The following CSNK1G1 variants were observed in gnomAD, a reference collection of about 807,000 sequenced individuals.
CSNK1G1 encodes the protein casein kinase I isoform gamma-1.
CSNK1G1 carries 22 observed loss-of-function variants against 59.6 expected under a neutral mutation model. The observed-to-expected ratio is 0.37, with a 90% confidence interval of 0.26 to 0.53. The LOEUF is 0.53. CSNK1G1 is among the 20% of genes least tolerant of loss of function. The pLI is 0.89. For synonymous variants in CSNK1G1, 179 were observed against 177.1 expected (o/e 1.01, Z -0.08); for missense variants, 384 against 519.5 (o/e 0.74, Z 2.54).
At chr15:64,280,620 A>G (rs1314084674) in intron 2 of CSNK1G1, among the ~76,000 whole-genome samples, 2 of 152,002 alleles carry the variant, frequency 1.3e-5, no homozygotes, top group Non-Finnish European at 2.9e-5. Flanking sequence ...TCGGCCTCCC[A>G]AAGTGTTAAG....
intron 4 of CSNK1G1, among the ~76,000 whole-genome samples, chr15:64,248,838 T>C (rs1046882973): frequency 1.4e-5 from 2 of 144,978 alleles, no homozygotes; most frequent in Non-Finnish European, 3.0e-5. Context: ...TACAAAAAAT[T>C]GGCCAGGCGT....
chr15:64,288,605 T>C (rs888203692), intron 2 of CSNK1G1, among the ~76,000 whole-genome samples: 5 of 151,858 alleles, frequency 3.3e-5, no homozygotes, highest in Non-Finnish European at 7.4e-5. Context: ...TGTATATATA[T>C]ATATTTCCTC....
chr15:64,238,485 C>CCTGT (rs1403177455), intron 4 of CSNK1G1, among the ~76,000 whole-genome samples: 1 of 108,954 alleles, frequency 9.2e-6, no homozygotes, highest in Non-Finnish European at 1.7e-5. Context: ...AGAGCAAGAC[C>CCTGT]CTGTCCCTTA....
chr15:64,191,775 C>G (rs902936113), intron 10 of CSNK1G1, among the ~76,000 whole-genome samples: 10 of 152,140 alleles, frequency 6.6e-5, no homozygotes, highest in African/African-American at 9.7e-5. Flanking sequence ...TACTACTGCC[C>G]GCCAATGCCT....
intron 1 of CSNK1G1, among the ~76,000 whole-genome samples, chr15:64,327,312 C>A (rs940140060): frequency 6.7e-6 from 1 of 148,544 alleles, no homozygotes; most frequent in Non-Finnish European, 1.5e-5. Flanking sequence ...TCTCCCAGCA[C>A]GCAGCTGGAG....
intron 1 of CSNK1G1, among the ~76,000 whole-genome samples, chr15:64,340,859 A>G (rs937408629): frequency 2.6e-5 from 4 of 152,152 alleles, no homozygotes; most frequent in Non-Finnish European, 4.4e-5. Flanking sequence ...TAGGAGGCTG[A>G]GGTGGGAGGA....
intron 1 of CSNK1G1, among the ~76,000 whole-genome samples, chr15:64,301,377 A>T (rs981887090): frequency 6.6e-6 from 1 of 152,112 alleles, no homozygotes; most frequent in African/African-American, 2.4e-5. Flanking sequence ...GCAAAAAAAA[A>T]AAAAAAATCT....
chr15:64,242,404 G>A (rs1045151587), intron 4 of CSNK1G1, among the ~76,000 whole-genome samples: 2 of 151,828 alleles, frequency 1.3e-5, no homozygotes, highest in African/African-American at 4.8e-5. Flanking sequence ...ACTTTCCCCC[G>A]ACTCCCAGTC....
At chr15:64,203,921 T>C (rs998449485) in intron 9 of CSNK1G1, among the ~76,000 whole-genome samples, 1 of 151,896 alleles carries the variant, frequency 6.6e-6, no homozygotes, top group African/African-American at 2.4e-5. Flanking sequence ...GGAGGGCAGA[T>C]CACCTCAGGT....
chr15:64,240,500 T>C (rs1566915218), intron 4 of CSNK1G1, among the ~76,000 whole-genome samples: 1 of 151,824 alleles, frequency 6.6e-6, no homozygotes, highest in Non-Finnish European at 1.5e-5. Flanking sequence ...CAGTCCTAAA[T>C]TGTGAAAAGT....
intron 1 of CSNK1G1, among the ~76,000 whole-genome samples, chr15:64,345,489 G>A (rs1897905790): frequency 6.6e-6 from 1 of 152,170 alleles, no homozygotes; most frequent in African/African-American, 2.4e-5. Context: ...AGTGACAGTT[G>A]AAAAATTCTG....
chr15:64,342,234 G>A (rs1296523229), intron 1 of CSNK1G1, among the ~76,000 whole-genome samples: 3 of 152,156 alleles, frequency 2.0e-5, no homozygotes, highest in African/African-American at 4.8e-5. Flanking sequence ...CCACATACCA[G>A]CAGTGTGAAC....
chr15:64,234,700 G>A (rs897099461), intron 4 of CSNK1G1, among the ~76,000 whole-genome samples: 1 of 152,138 alleles, frequency 6.6e-6, no homozygotes, highest in South Asian at 2.1e-4. Flanking sequence ...GAAAAGCATG[G>A]TCTGTAAGCT....
intron 2 of CSNK1G1, among the ~76,000 whole-genome samples, chr15:64,291,068 G>C (rs1319137645): frequency 6.6e-6 from 1 of 152,036 alleles, no homozygotes; most frequent in Admixed American, 6.6e-5. Context: ...TCTAAAACTT[G>C]TTTTAGTTTG....
At chr15:64,354,016 TACA>T (rs912901378) in intron 1 of CSNK1G1, among the ~76,000 whole-genome samples, 3 of 151,256 alleles carry the variant, frequency 2.0e-5, no homozygotes, top group African/African-American at 7.3e-5. Flanking sequence ...ATCTTAAAAT[TACA>T]AGTAGGCCGG....
At chr15:64,304,761 G>A (rs907871315) in intron 1 of CSNK1G1, among the ~76,000 whole-genome samples, 1 of 152,124 alleles carries the variant, frequency 6.6e-6, no homozygotes, top group Non-Finnish European at 1.5e-5. Flanking sequence ...AAAACACCCT[G>A]GGTTTTTGTT....
chr15:64,337,615 G>C (rs79271459), intron 1 of CSNK1G1, among the ~76,000 whole-genome samples: 1 of 152,126 alleles, frequency 6.6e-6, no homozygotes, highest in African/African-American at 2.4e-5. Flanking sequence ...GATTACAGAT[G>C]TGAACCCACC....
At chr15:64,286,518 T>C (rs1478770124) in intron 2 of CSNK1G1, among the ~76,000 whole-genome samples, 3 of 152,202 alleles carry the variant, frequency 2.0e-5, no homozygotes, top group East Asian at 3.9e-4. Flanking sequence ...AATTATCTTA[T>C]ATATTTCTTC....
rs2140303887 is a variant in CSNK1G1, at chr15:64,240,315, C to T, written c.292+11197G>A. Among the ~76,000 whole-genome samples, 2 of 152,094 alleles carry T rather than the reference C, an allele frequency of 1.3e-5. 1 individual carries two copies. Among genetic ancestry groups the T allele is most frequent in the South Asian group, 4.2e-4 (2 of 4,804 alleles). On this transcript the variant is annotated intron_variant, in intron 4 of 11. Coordinates refer to ENST00000303052, the MANE Select transcript of CSNK1G1 (RefSeq NM_022048.5). The stretch of plus-strand genomic sequence containing the variant: ...GACTTATGGGACACCATTAAGTGAA[C>T]AAACATGCATATTATATGATTTCTA...
Sources: gnomAD v4.1 joint callset for allele counts (sites outside exome capture counted in the v4.1 genomes callset) on GRCh38, gnomAD v4.1.1 for gene constraint, MANE v1.5 for transcripts, NCBI Gene and HGNC (gene_info 2026-07-23, HGNC 2026-07-21) for gene names.